Variants in TMED8 observed in about 807,000 individuals in gnomAD.
TMED8 encodes transmembrane p24 trafficking protein family member 8.
TMED8 carries 15 observed loss-of-function variants against 32.7 expected under a neutral mutation model. The observed-to-expected ratio is 0.46, with a 90% CI of 0.31 to 0.71. The LOEUF is 0.71. TMED8 is among the 30% of genes least tolerant of loss of function. TMED8 has a pLI of 0.06. For synonymous variants in TMED8, 147 were observed against 161.4 expected (o/e 0.91, Z 0.68); for missense variants, 390 against 423.9 (o/e 0.92, Z 0.70).
intron 1 of TMED8, among the ~76,000 whole-genome samples, chr14:77,372,002 G>A (rs935683842): frequency 6.6e-6 from 1 of 152,116 alleles, no homozygotes; most frequent in African/African-American, 2.4e-5. Flanking sequence ...CAATCAAAAT[G>A]TCAATTAAAT....
intron 1 of TMED8, among the ~76,000 whole-genome samples, chr14:77,365,233 C>A (rs1893525582): frequency 6.6e-6 from 1 of 152,172 alleles, no homozygotes; most frequent in African/African-American, 2.4e-5. Context: ...CTTTACTGGA[C>A]CCCTGCTATA....
chr14:77,376,839 G>A lies in TMED8; in HGVS notation c.118+97C>T, dbSNP rs1291704201. 2.7e-6 allele frequency: 2 copies of A among 739,426 alleles called. No individual in the cohort carries two copies. The highest frequency in any genetic ancestry group is 3.7e-6 in the Non-Finnish European group (2 of 535,290). 45.8% of individuals were successfully genotyped at this position (739,426 alleles called of 1,614,324 possible). ...GGCTGCCGAGGTGGGTCCGCTCCGCGGGGAAGCCCAGGACAGAGCGCGGCG... is the reference window on the plus strand; with the variant it reads ...GGCTGCCGAGGTGGGTCCGCTCCGCAGGGAAGCCCAGGACAGAGCGCGGCG... On this transcript the variant is annotated intron_variant, in intron 1 of 5. Coordinates refer to ENST00000216468, the MANE Select transcript of TMED8 (RefSeq NM_213601.3). This position sits in a 1 kb window ranked among gnomAD's most constrained non-coding sequence, Gnocchi z 4.0.
chr14:77,344,399 A>G (rs375445033), intron 3 of TMED8, among the ~76,000 whole-genome samples: 2 of 152,344 alleles, frequency 1.3e-5, no homozygotes, highest in East Asian at 3.9e-4. Flanking sequence ...TCTTGAAGTC[A>G]CTAACAGTGT....
intron 1 of TMED8, chr14:77,360,036 T>C (rs973554119): frequency 6.5e-6 from 1 of 154,262 alleles, no homozygotes; most frequent in Non-Finnish European, 1.4e-5. Flanking sequence ...AATTTTTAAA[T>C]TGTATATGTT....
chr14:77,359,899 G>GAA (rs34955364), intron 1 of TMED8: 7 of 157,334 alleles, frequency 4.4e-5, no homozygotes, highest in South Asian at 1.9e-4. Flanking sequence ...ACAAATAATA[G>GAA]AAAAAAAAAT....
chr14:77,354,682 A>T (rs961771820), intron 1 of TMED8, among the ~76,000 whole-genome samples: 3 of 152,202 alleles, frequency 2.0e-5, no homozygotes, highest in Non-Finnish European at 4.4e-5. Context: ...GGCTGGGTGC[A>T]GTGGCTCATG....
At chr14:77,348,751 T>G (rs971545387) in intron 2 of TMED8, among the ~76,000 whole-genome samples, 3 of 152,116 alleles carry the variant, frequency 2.0e-5, no homozygotes, top group Non-Finnish European at 4.4e-5. Flanking sequence ...TTTTTTAACA[T>G]AAACAAGAAG....
At position 77,366,209 on chromosome 14, in the gene TMED8, G is replaced by A. The variant is rs139875886; in HGVS notation, c.118+10727C>T. The stretch of plus-strand genomic sequence containing the variant: ...TGCAAGTTATTTCAGGACCCCAGAC[G>A]TAGAAGTCATCTGTCAATCTTCTGG... On this transcript the variant is annotated intron_variant, in intron 1 of 5. Transcript: ENST00000216468. 2.8e-3 allele frequency among the ~76,000 whole-genome samples: 432 copies of A among 152,304 alleles called. 1 individual carries two copies. Among genetic ancestry groups the A allele is most frequent in the African/African-American group, 9.6e-3 (400 of 41,558 alleles).
At chr14:77,357,296 G>A (rs1337901709) in intron 1 of TMED8, among the ~76,000 whole-genome samples, 1 of 152,152 alleles carries the variant, frequency 6.6e-6, no homozygotes, top group African/African-American at 2.4e-5. Context: ...AAAAGATTAG[G>A]TTCATGTTTT....
At chr14:77,374,102 C>T (rs1893759542) in intron 1 of TMED8, among the ~76,000 whole-genome samples, 1 of 152,218 alleles carries the variant, frequency 6.6e-6, no homozygotes, top group South Asian at 2.1e-4. Flanking sequence ...AACAGAACAC[C>T]TGAATATCCA....
chr14:77,371,601 G>A (rs1292297097), intron 1 of TMED8, among the ~76,000 whole-genome samples: 1 of 152,132 alleles, frequency 6.6e-6, no homozygotes, highest in Non-Finnish European at 1.5e-5. Context: ...TGGATTCAGA[G>A]AGGCAGGAAG....
At chr14:77,367,025 G>C (rs1046462220) in intron 1 of TMED8, among the ~76,000 whole-genome samples, 2 of 151,836 alleles carry the variant, frequency 1.3e-5, no homozygotes, top group African/African-American at 4.8e-5. Context: ...CAGGCAGATG[G>C]CTTGAGGTCA....
At chr14:77,343,556 G>T in intron 4 of TMED8, 73 bp from the exon 5 acceptor site, 1 of 1,583,346 alleles carries the variant, frequency 6.3e-7, no homozygotes. Flanking sequence ...TGCTAAGAGA[G>T]GCTGGCACAG....
intron 1 of TMED8, among the ~76,000 whole-genome samples, chr14:77,366,252 C>A (rs927795081): frequency 6.6e-6 from 1 of 152,348 alleles, no homozygotes; most frequent in Non-Finnish European, 1.5e-5. Context: ...AAATACTCAA[C>A]CTTTTCCTCC....
chr14:77,348,834 CAAG>C (rs1260283562), intron 2 of TMED8, among the ~76,000 whole-genome samples: 5 of 152,184 alleles, frequency 3.3e-5, no homozygotes, highest in African/African-American at 9.7e-5. Flanking sequence ...TCAGGACAGA[CAAG>C]AGGAGGTCAC....
chr14:77,362,015 A>G (rs921268812), intron 1 of TMED8, among the ~76,000 whole-genome samples: 2 of 152,188 alleles, frequency 1.3e-5, no homozygotes, highest in African/African-American at 4.8e-5. Flanking sequence ...TTTTTTGGAT[A>G]GGTTGTTACT....
intron 1 of TMED8, among the ~76,000 whole-genome samples, chr14:77,372,952 A>ATTTTTTT (rs1160815178): frequency 1.4e-4 from 2 of 14,308 alleles, no homozygotes. Flanking sequence ...ATATATATAT[A>ATTTTTTT]TTTTTTTTTT....
At chr14:77,343,901 C>T in intron 3 of TMED8, 78 bp from the exon 4 acceptor site, 2 of 1,487,212 alleles carry the variant, frequency 1.3e-6, no homozygotes, top group Non-Finnish European at 1.8e-6. Flanking sequence ...AAGGCTGCCC[C>T]ACCCCTGCTC....
At chr14:77,365,941 A>G (rs1183346345) in intron 1 of TMED8, among the ~76,000 whole-genome samples, 1 of 152,228 alleles carries the variant, frequency 6.6e-6, no homozygotes, top group Middle Eastern at 3.2e-3. Flanking sequence ...GGACCTAACT[A>G]GTAATGAAAG....
Sources: allele counts gnomAD v4.1 joint callset (sites outside exome capture counted in the v4.1 genomes callset), GRCh38; gene constraint gnomAD v4.1.1; non-coding constraint Gnocchi (gnomAD v3.1); transcripts MANE v1.5; gene names NCBI Gene and HGNC (gene_info 2026-07-23, HGNC 2026-07-21).